The following ATP10A variants were observed in gnomAD, a reference collection of about 807,000 sequenced individuals.
ATP10A encodes phospholipid-transporting ATPase VA.
ATP10A carries 111 observed loss-of-function variants against 147.8 expected under a neutral mutation model. The ratio of observed to expected loss-of-function variants is 0.75; its 90% CI spans 0.64 to 0.88. ATP10A has a LOEUF of 0.88. ATP10A is among the 40% of genes least tolerant of loss of function. ATP10A has a pLI of 0.00. For synonymous variants in ATP10A, 875 were observed against 841.6 expected (o/e 1.04, Z -0.69); for missense variants, 1,927 against 1,959.0 (o/e 0.98, Z 0.31).
intron 1 of ATP10A, among the ~76,000 whole-genome samples, chr15:25,843,540 C>T (rs151272220): frequency 6.6e-6 from 1 of 152,238 alleles, no homozygotes; most frequent in East Asian, 1.9e-4. Context: ...TCATCATTTG[C>T]ATCCCGCATC....
chr15:25,748,976 T>C (rs1887997289), intron 2 of ATP10A, among the ~76,000 whole-genome samples: 1 of 148,912 alleles, frequency 6.7e-6, no homozygotes, highest in Admixed American at 6.9e-5. Context: ...GGTGGGAGAA[T>C]TGCTTGAAAC....
chr15:25,726,511 G>A (rs1418615046), intron 4 of ATP10A, among the ~76,000 whole-genome samples: 2 of 150,960 alleles, frequency 1.3e-5, no homozygotes, highest in East Asian at 2.0e-4. Context: ...GTATAAACTC[G>A]GCTCACTGCA....
intron 2 of ATP10A, among the ~76,000 whole-genome samples, chr15:25,748,735 A>T (rs1182096936): frequency 2.0e-5 from 3 of 152,078 alleles, no homozygotes; most frequent in Non-Finnish European, 4.4e-5. Flanking sequence ...AGAAGATCTA[A>T]AATAATCTTA....
chr15:25,676,315 C>T (rs1899135082), downstream of ATP10A, among the ~76,000 whole-genome samples: 1 of 152,230 alleles, frequency 6.6e-6, no homozygotes, highest in South Asian at 2.1e-4. Context: ...AGGTCTCTCT[C>T]CCTGCTCCTC....
intron 3 of ATP10A, 140 bp from the exon 4 acceptor site, chr15:25,727,406 G>T: frequency 1.4e-6 from 1 of 730,312 alleles, no homozygotes; most frequent in Non-Finnish European, 2.3e-6. Context: ...GGGTACAGGG[G>T]GCCCCCGAGA....
At chr15:25,801,689 C>A (rs911599828) in intron 1 of ATP10A, among the ~76,000 whole-genome samples, 1 of 152,218 alleles carries the variant, frequency 6.6e-6, no homozygotes, top group African/African-American at 2.4e-5. Flanking sequence ...TCTCAAGCCC[C>A]GTGACGCTGA....
Position 25,679,862 on chromosome 15 carries a change from G to A in ATP10A, c.3979C>T (p.Gln1327Ter). The A allele has an allele frequency of 1.2e-6, 2 of 1,610,356 alleles. No individual in the cohort carries two copies. The highest frequency in any genetic ancestry group is 1.7e-6 in the Non-Finnish European group (2 of 1,179,970). Residue 1327 changes from glutamine (Q) to a stop codon, truncating the protein, a stop_gained, in exon 21 of 21, where the codon CAG becomes TAG. Coordinates refer to ENST00000555815, the MANE Select transcript of ATP10A (RefSeq NM_024490.4). LOFTEE classifies it high-confidence loss of function. ...CCCGAGTCCTTCGGGAGGCGTCCCT[G>A]AGCAAAGGTCTCTTTGGGAGCACTG... ...RCSAPKETFA[Q>*]GRLPKDSGTE...
chr15:25,791,587 A>T lies in ATP10A; in HGVS notation c.450-10364T>A, dbSNP rs530030244. ...TTGGTTGTAGAGACGGAGTCTTGCT[A>T]TGTTGCCCAGGGTGGTCTCAAACTC... is the stretch of plus-strand genomic sequence containing the variant. On this transcript the variant is annotated intron_variant, in intron 1 of 20. Transcript: ENST00000555815. 2.5e-3 allele frequency among the ~76,000 whole-genome samples: 376 copies of T among 151,854 alleles called. 5 individuals are homozygous for T. Among genetic ancestry groups the T allele is most frequent in the African/African-American group, 8.8e-3 (366 of 41,430 alleles).
intron 2 of ATP10A, among the ~76,000 whole-genome samples, chr15:25,746,909 G>C (rs1378241233): frequency 6.6e-6 from 1 of 152,180 alleles, no homozygotes; most frequent in South Asian, 2.1e-4. Context: ...GATTAGGAAT[G>C]TTCAGCTGGT....
At chr15:25,680,705 C>G in intron 19 of ATP10A, 105 bp downstream of exon 19, 1 of 1,050,360 alleles carries the variant, frequency 9.5e-7, no homozygotes, top group East Asian at 2.4e-5. Flanking sequence ...TTTGCAGTCT[C>G]CTGTCTACTC....
At chr15:25,828,373 G>A (rs1892207375) in intron 1 of ATP10A, among the ~76,000 whole-genome samples, 1 of 152,216 alleles carries the variant, frequency 6.6e-6, no homozygotes, top group Admixed American at 6.5e-5. Context: ...GGCGTGTCCT[G>A]TAGTACAGAC....
At chr15:25,858,550 A>T (rs1376839484) in intron 1 of ATP10A, among the ~76,000 whole-genome samples, 4 of 152,200 alleles carry the variant, frequency 2.6e-5, no homozygotes, top group Non-Finnish European at 4.4e-5. Context: ...CAGCTCTTCC[A>T]AAACAACAAA....
intron 1 of ATP10A, among the ~76,000 whole-genome samples, chr15:25,845,330 G>GTTTGTGTGTGTT (rs149922723): frequency 1.3e-5 from 2 of 148,660 alleles, no homozygotes; most frequent in African/African-American, 5.1e-5. Flanking sequence ...GTTTGTGTGT[G>GTTTGTGTGTGTT]TGTGTGTGTG....
intron 2 of ATP10A, among the ~76,000 whole-genome samples, chr15:25,778,957 A>T (rs1378818446): frequency 2.0e-5 from 3 of 150,962 alleles, no homozygotes; most frequent in African/African-American, 4.9e-5. Context: ...GCTCACTACA[A>T]CCTCTGCCTC....
chr15:25,834,394 A>G (rs1254300748), intron 1 of ATP10A, among the ~76,000 whole-genome samples: 1 of 152,248 alleles, frequency 6.6e-6, no homozygotes, highest in African/African-American at 2.4e-5. Flanking sequence ...AAACACATCA[A>G]ACATCATGTA....
chr15:25,693,495 C>T (rs978433196), intron 14 of ATP10A, among the ~76,000 whole-genome samples: 10 of 152,238 alleles, frequency 6.6e-5, no homozygotes, highest in African/African-American at 2.2e-4. Context: ...ACATCATTCA[C>T]GTCTTACTGT....
intron 1 of ATP10A, among the ~76,000 whole-genome samples, chr15:25,836,067 G>T (rs1255165781): frequency 6.6e-6 from 1 of 152,096 alleles, no homozygotes; most frequent in African/African-American, 2.4e-5. Flanking sequence ...CCCACCTCGG[G>T]CTCCCAAAGT....
intron 7 of ATP10A, 90 bp downstream of exon 7, chr15:25,721,567 T>C: frequency 7.9e-7 from 1 of 1,260,280 alleles, no homozygotes; most frequent in Non-Finnish European, 1.1e-6. Flanking sequence ...TGTGTGTGTG[T>C]GTGTGTGTGT....
intron 1 of ATP10A, among the ~76,000 whole-genome samples, chr15:25,829,213 T>TGGGAGAAAGGGGAAA: frequency 6.6e-6 from 1 of 152,308 alleles, no homozygotes; most frequent in Non-Finnish European, 1.5e-5. Context: ...CACATCTGTC[T>TGGGAGAAAGGGGAAA]GGGAGAAAGG....
Sources: gnomAD v4.1 joint callset for allele counts (sites outside exome capture counted in the v4.1 genomes callset) on GRCh38, gnomAD v4.1.1 for gene constraint, MANE v1.5 for transcripts, NCBI Gene and HGNC (gene_info 2026-07-23, HGNC 2026-07-21) for gene names.